PLXNA2: variants seen among roughly 807,000 people sequenced by gnomAD.
PLXNA2 encodes the protein plexin A2.
In PLXNA2, 91 loss-of-function variants were observed where a neutral mutation model predicts 193.5. That is an observed-to-expected ratio of 0.47 (90% CI 0.40 to 0.56). The LOEUF (loss-of-function observed/expected upper bound fraction) is 0.56. Among genes scored for constraint, PLXNA2 ranks in the 20% least tolerant of loss-of-function variants. The pLI, the probability that PLXNA2 is intolerant of heterozygous loss-of-function variation, is 0.00. For missense variants in PLXNA2, 1,995 were observed against 2,503.2 expected (o/e 0.80, Z 4.33); for synonymous variants, 997 against 1,027.3 (o/e 0.97, Z 0.56).
chr1:208,034,351 G>A (rs1011556097), intron 27 of PLXNA2, 142 bp downstream of exon 27: 16 of 623,622 alleles, frequency 2.6e-5, no homozygotes, highest in African/African-American at 2.2e-4. Context: ...GGACTAGGGA[G>A]GACAGAAACC....
rs1342047621 is a variant in PLXNA2 at position 208,026,608 on chromosome 1, G to C, written c.*635C>G. ...TTACTGGCCTCTGTTTTTGCGAAGT[G>C]TTTGGTGCATACTTGTGCTCATCAT... On this transcript the variant is annotated 3_prime_UTR_variant, in exon 32 of 32. Transcript: ENST00000367033. The C allele has an allele frequency of 6.7e-6, 1 of 149,448 alleles. No homozygotes were observed. Among genetic ancestry groups the C allele is most frequent in the Non-Finnish European group, 1.5e-5 (1 of 67,624 alleles). The allele number at this position is 149,448 out of a possible 1,614,324, so 9.3% of individuals were successfully genotyped here.
intron 9 of PLXNA2, among the ~76,000 whole-genome samples, chr1:208,088,847 G>A (rs2498025): frequency 0.59 from 89,664 of 152,100 alleles, 26,818 homozygotes; most frequent in East Asian, 0.67. Context: ...GTGTGTGTGC[G>A]TGTGAGTGTG....
At chr1:208,154,122 G>A (rs989115419) in intron 3 of PLXNA2, among the ~76,000 whole-genome samples, 6 of 152,082 alleles carry the variant, frequency 3.9e-5, no homozygotes, top group Admixed American at 2.0e-4. Flanking sequence ...GACCCTCCCC[G>A]GTCACCTTGT....
rs368056918 is a variant in PLXNA2 at position 208,186,708 on chromosome 1, A to ATTTTGTTTTTTGTTTTTTGTTTTTTTTTT, written c.1371+23571_1371+23572insAAAAAAAAAACAAAAAACAAAAAACAAAA. ...GGGCTGTCCTGGGAATTGCAATGTT[A>ATTTTGTTTTTTGTTTTTTGTTTTTTTTTT]TTTTATTTTTTTTTTTTTTTTTGAG... On this transcript the variant is annotated intron_variant, in intron 3 of 31. Transcript: ENST00000367033. 2.9e-4 allele frequency among the ~76,000 whole-genome samples: 32 copies of ATTTTGTTTTTTGTTTTTTGTTTTTTTTTT among 111,740 alleles called. 2 individuals carry two copies. The highest frequency in any genetic ancestry group is 7.5e-4 in the African/African-American group (25 of 33,274). The allele number at this position is 111,740 out of a possible 152,430, so 73.3% of individuals were successfully genotyped here. A position where few individuals can be genotyped will look rare whatever the true frequency, so the allele number is the denominator to read the frequency against.
chr1:208,022,719 A>G lies in PLXNA2; in HGVS notation c.*4524T>C, dbSNP rs1231126701. The G allele has an allele frequency of 6.6e-6, 1 of 152,550 alleles. No individual in the cohort carries two copies. Among genetic ancestry groups the G allele is most frequent in the Non-Finnish European group, 1.5e-5 (1 of 68,046 alleles). The allele number at this position is 152,550 out of a possible 1,614,324, so 9.4% of individuals were successfully genotyped here. ...AATAAGTCAAAGTGAGGACTTTGAA[A>G]TGCAGAAGATGTTTCCTACCTTCCT... On this transcript the variant is annotated 3_prime_UTR_variant, in exon 32 of 32. Coordinates refer to ENST00000367033, the MANE Select transcript of PLXNA2 (RefSeq NM_025179.4).
rs773900002 is a variant in PLXNA2 at position 208,044,625 on chromosome 1, C to T, written c.3757G>A (p.Val1253Ile). ...AAGGSLLLIIVIIVLIAYKRK... is the reference protein window; with the variant it reads ...AAGGSLLLIIIIIVLIAYKRK... ...TTGTAGGCAATGAGGACGATGATGA[C>T]GATGATGAGGAGGAGGCTGCCGCCG... The change falls in exon 20 of 32, where the codon GTC (valine) becomes ATC (isoleucine). Residue 1253 changes from valine (V) to isoleucine (I), a missense_variant. Around this residue, in one of 3 missense-constraint regions of PLXNA2, gnomAD observed 1,291 missense variants for 1,673.6 expected, o/e 0.77. Coordinates refer to ENST00000367033, the MANE Select transcript of PLXNA2 (RefSeq NM_025179.4). The surrounding 1 kb of genome is among the most constrained non-coding windows in gnomAD (Gnocchi z 4.9). 13 of 1,613,902 alleles carry T rather than the reference C, an allele frequency of 8.1e-6. No homozygotes were observed. The highest frequency in any genetic ancestry group is 1.1e-5 in the South Asian group (1 of 91,080).
chr1:208,085,056 T>C (rs2102391712), intron 9 of PLXNA2, among the ~76,000 whole-genome samples: 2 of 148,270 alleles, frequency 1.3e-5, no homozygotes, highest in East Asian at 3.9e-4. Flanking sequence ...GATCAAGCCC[T>C]CCCAGCAATA....
intron 1 of PLXNA2, among the ~76,000 whole-genome samples, chr1:208,238,768 C>T (rs1192745882): frequency 6.6e-6 from 1 of 152,212 alleles, no homozygotes. Flanking sequence ...TTTGCTACTA[C>T]CTGAGAGTCT....
intron 3 of PLXNA2, among the ~76,000 whole-genome samples, chr1:208,177,279 C>G (rs1669687393): frequency 6.6e-6 from 1 of 152,026 alleles, no homozygotes; most frequent in Non-Finnish European, 1.5e-5. Context: ...TAGTGCCTAT[C>G]TCAAAACAGA....
chr1:208,177,056 A>T (rs548076135), intron 3 of PLXNA2, among the ~76,000 whole-genome samples: 9 of 150,550 alleles, frequency 6.0e-5, no homozygotes, highest in Admixed American at 1.3e-4. Flanking sequence ...CTTTTCTTTG[A>T]TGGCTTTGCC....
chr1:208,125,303 TC>T (rs1667940189), intron 4 of PLXNA2, among the ~76,000 whole-genome samples: 1 of 152,182 alleles, frequency 6.6e-6, no homozygotes. Flanking sequence ...AGTTTGGACT[TC>T]CCATGGCTAC....
intron 3 of PLXNA2, among the ~76,000 whole-genome samples, chr1:208,185,714 AAAAAG>A (rs1176257786): frequency 1.5e-5 from 2 of 135,918 alleles, no homozygotes; most frequent in Non-Finnish European, 3.2e-5. Flanking sequence ...AAAAAAAAAA[AAAAAG>A]GAAAAAAAAA....
intron 12 of PLXNA2, 84 bp downstream of exon 12, chr1:208,079,176 G>T: frequency 8.4e-7 from 1 of 1,184,492 alleles, no homozygotes; most frequent in Non-Finnish European, 1.2e-6. Flanking sequence ...TTTGTCCACA[G>T]AGTCTCAATT....
At chr1:208,157,702 T>G (rs1668979777) in intron 3 of PLXNA2, among the ~76,000 whole-genome samples, 1 of 152,192 alleles carries the variant, frequency 6.6e-6, no homozygotes, top group Non-Finnish European at 1.5e-5. Flanking sequence ...GGTTCCGGGT[T>G]CAAGTTCTGG....
intron 4 of PLXNA2, among the ~76,000 whole-genome samples, chr1:208,124,679 CAAAAAAA>C (rs34909092): frequency 5.8e-5 from 4 of 68,594 alleles, no homozygotes; most frequent in African/African-American, 6.5e-5. Flanking sequence ...AACTCCGTCT[CAAAAAAA>C]AAAAAAAAAA....
Position 208,028,242 on chromosome 1 carries a change from GCACTGATGTACC to G in PLXNA2, c.5439-95_5439-84del. The G allele has an allele frequency of 1.5e-6, 2 of 1,337,842 alleles. No homozygotes were observed. The highest frequency in any genetic ancestry group is 4.5e-4 in the Middle Eastern group (2 of 4,482). The allele number at this position is 1,337,842 out of a possible 1,614,324, so 82.9% of individuals were successfully genotyped here. A position where few individuals can be genotyped will look rare whatever the true frequency, so the allele number is the denominator to read the frequency against. ...TACCCCGGGCCCAGGTCCTTCGAGGGCACTGATGTACCCAGTTGCTCCTGCCTCCCTATTTCT... is the reference window on the plus strand; with the variant it reads ...TACCCCGGGCCCAGGTCCTTCGAGGGCAGTTGCTCCTGCCTCCCTATTTCT... On this transcript the variant is annotated intron_variant, in intron 30 of 31. Transcript: ENST00000367033. The surrounding 1 kb of genome is among the most constrained non-coding windows in gnomAD (Gnocchi z 4.2).
intron 3 of PLXNA2, among the ~76,000 whole-genome samples, chr1:208,147,010 C>G (rs572233349): frequency 1.7e-4 from 26 of 152,224 alleles, no homozygotes; most frequent in African/African-American, 6.0e-4. Flanking sequence ...CAGCAAAAGA[C>G]AAAATGTGCC....
chr1:208,239,376 C>T (rs919116030), intron 1 of PLXNA2, among the ~76,000 whole-genome samples: 9 of 152,334 alleles, frequency 5.9e-5, no homozygotes, highest in Non-Finnish European at 1.2e-4. Flanking sequence ...CACTGTTAAT[C>T]TCTCTGTCTT....
intron 4 of PLXNA2, among the ~76,000 whole-genome samples, chr1:208,129,256 C>T (rs895240): frequency 0.53 from 81,174 of 152,032 alleles, 21,997 homozygotes; most frequent in Non-Finnish European, 0.55. Flanking sequence ...GGCTTCAGCA[C>T]TGGAGCTCTG....
Sources: allele counts gnomAD v4.1 joint callset (sites outside exome capture counted in the v4.1 genomes callset), GRCh38; gene constraint gnomAD v4.1.1; regional missense constraint gnomAD v4.1.1; non-coding constraint Gnocchi (gnomAD v3.1); transcripts MANE v1.5; gene names NCBI Gene and HGNC (gene_info 2026-07-23, HGNC 2026-07-21).